The following SLC5A1 variants were observed in gnomAD, a reference collection of about 807,000 sequenced individuals.
SLC5A1 encodes sodium/glucose cotransporter 1.
SLC5A1 carries 42 observed loss-of-function variants against 73.5 expected under a neutral mutation model. That is an observed-to-expected ratio of 0.57 (90% confidence interval 0.45 to 0.74). The LOEUF is 0.74. SLC5A1 is among the 30% of genes least tolerant of loss of function. SLC5A1 has a pLI of 0.00. For synonymous variants in SLC5A1, 300 were observed against 317.4 expected (o/e 0.95, Z 0.58); for missense variants, 634 against 855.4 (o/e 0.74, Z 3.23).
Position 32,043,405 on chromosome 22 carries a change from G to T in SLC5A1, c.124G>T (p.Val42Phe). 1 of 1,613,860 alleles carries T rather than the reference G, an allele frequency of 6.2e-7. No homozygotes were observed. Among genetic ancestry groups the T allele is most frequent in the Non-Finnish European group, 8.5e-7 (1 of 1,179,930 alleles). The change falls in exon 1 of 15, where the codon GTC (valine) becomes TTC (phenylalanine). Residue 42 changes from valine to phenylalanine, a missense_variant. Coordinates refer to ENST00000266088, the MANE Select transcript of SLC5A1 (RefSeq NM_000343.4). The surrounding 1 kb of genome is among the most constrained non-coding windows in gnomAD (Gnocchi z 6.5). Reference protein sequence around the residue: ...IVIYFVVVMAVGLWAMFSTNR... With the variant: ...IVIYFVVVMAFGLWAMFSTNR... ...TATCTACTTCGTGGTAGTGATGGCC[G>T]TCGGACTGTGGGTATGCAGCGGGTT... is the stretch of plus-strand genomic sequence containing the variant.
intron 14 of SLC5A1, among the ~76,000 whole-genome samples, chr22:32,107,343 T>C (rs1049541593): frequency 3.3e-5 from 5 of 152,324 alleles, no homozygotes; most frequent in Admixed American, 2.6e-4. Context: ...GACTTAACAC[T>C]GGTGGGTGAA....
At chr22:32,062,454 TG>T (rs2093964784) in intron 2 of SLC5A1, among the ~76,000 whole-genome samples, 1 of 152,208 alleles carries the variant, frequency 6.6e-6, no homozygotes, top group Non-Finnish European at 1.5e-5. Context: ...TCAGACCTGT[TG>T]GGTTTGGTCA....
In SLC5A1 at chr22:32,084,678, C is replaced by A. The variant is rs200815762; in HGVS notation, c.885+19C>A. 4 of 1,601,098 alleles carry A rather than the reference C, an allele frequency of 2.5e-6. No individual in the cohort carries two copies. The highest frequency in any genetic ancestry group is 3.4e-6 in the Non-Finnish European group (4 of 1,168,742). On this transcript the variant is annotated intron_variant, in intron 8 of 14. Coordinates refer to ENST00000266088, the MANE Select transcript of SLC5A1 (RefSeq NM_000343.4). ...AGATCAGGTACCCAAGCTGGATGTG[C>A]GGGATGGACAGAGTCTTCTCCAGGG...
chr22:32,049,442 G>A (rs2093942353), intron 1 of SLC5A1, among the ~76,000 whole-genome samples: 2 of 133,288 alleles, frequency 1.5e-5, no homozygotes, highest in African/African-American at 5.4e-5. Context: ...GATGGGTGTT[G>A]CTATGTTGCC....
intron 11 of SLC5A1, among the ~76,000 whole-genome samples, chr22:32,093,831 A>G (rs112435997): frequency 6.6e-6 from 1 of 152,022 alleles, no homozygotes; most frequent in Non-Finnish European, 1.5e-5. Context: ...GATGCCATTC[A>G]TTTCTTTCTT....
chr22:32,063,254 C>T (rs1399770935), intron 2 of SLC5A1, among the ~76,000 whole-genome samples: 2 of 152,128 alleles, frequency 1.3e-5, no homozygotes, highest in Non-Finnish European at 2.9e-5. Context: ...TAACAGTATC[C>T]ATTGTAGCTT....
chr22:32,107,040 A>C (rs187609350), intron 14 of SLC5A1, among the ~76,000 whole-genome samples: 1 of 152,326 alleles, frequency 6.6e-6, no homozygotes, highest in Non-Finnish European at 1.5e-5. Flanking sequence ...CTAAGGTCTC[A>C]GCTTTGTTAC....
chr22:32,051,940 CACAG>C (rs1351959158), intron 2 of SLC5A1, among the ~76,000 whole-genome samples: 1 of 152,234 alleles, frequency 6.6e-6, no homozygotes, highest in Non-Finnish European at 1.5e-5. Context: ...TGAGGACACA[CACAG>C]ACAGTCTCAG....
chr22:32,064,715 A>G (rs1362342963), intron 2 of SLC5A1, among the ~76,000 whole-genome samples: 6 of 152,122 alleles, frequency 3.9e-5, no homozygotes, highest in Non-Finnish European at 7.4e-5. Flanking sequence ...TTTCTAAAAC[A>G]TACTCCCTAA....
chr22:32,106,335 T>G (rs944912639), intron 14 of SLC5A1, among the ~76,000 whole-genome samples: 1 of 152,262 alleles, frequency 6.6e-6, no homozygotes, highest in African/African-American at 2.4e-5. Flanking sequence ...CACATTTTTA[T>G]GTGCCTATTA....
rs1352059699 is a variant in SLC5A1, at chr22:32,111,386, C to G, written c.*1173C>G. 1.3e-5 allele frequency: 2 copies of G among 152,066 alleles called. No homozygotes were observed. Among genetic ancestry groups the G allele is most frequent in the African/African-American group, 4.8e-5 (2 of 41,394 alleles). The allele number at this position is 152,066 out of a possible 1,614,324, so 9.4% of individuals were successfully genotyped here. A position where few individuals can be genotyped will look rare whatever the true frequency, so the allele number is the denominator to read the frequency against. On this transcript the variant is annotated 3_prime_UTR_variant, in exon 15 of 15. Transcript: ENST00000266088. ...TCAGTCATATTGGAATAGGACCCAC[C>G]CTAATGTCTTCATTTTAATCACCTC...
intron 10 of SLC5A1, among the ~76,000 whole-genome samples, chr22:32,087,687 C>G (rs951032803): frequency 7.2e-5 from 11 of 152,114 alleles, no homozygotes; most frequent in Non-Finnish European, 1.6e-4. Flanking sequence ...TCTCCTAATT[C>G]TGGCTCAAGG....
At chr22:32,049,882 T>C (rs2093942996) in intron 1 of SLC5A1, 61 bp from the exon 2 acceptor site, 1 of 1,396,392 alleles carries the variant, frequency 7.2e-7, no homozygotes, top group Admixed American at 1.7e-5. Context: ...AGGTATGTCC[T>C]TTTGGCTGGC....
chr22:32,082,765 C>T (rs527491048), intron 6 of SLC5A1, among the ~76,000 whole-genome samples: 4 of 152,340 alleles, frequency 2.6e-5, no homozygotes, highest in East Asian at 3.9e-4. Flanking sequence ...GTGTGGAAGA[C>T]GCTTCTTCTT....
In SLC5A1 at chr22:32,060,164, C is replaced by T. The variant is rs767728298; in HGVS notation, c.208-6771C>T. On this transcript the variant is annotated intron_variant, in intron 2 of 14. Coordinates refer to ENST00000266088, the MANE Select transcript of SLC5A1 (RefSeq NM_000343.4). Reference sequence around the variant, plus strand: ...ACACATACACACACACACACACACACACACACACACACACACACACACATA... The same window carrying T: ...ACACATACACACACACACACACACATACACACACACACACACACACACATA... Among the ~76,000 whole-genome samples the T allele has an allele frequency of 3.2e-3, 437 of 136,320 alleles. 2 individuals carry two copies. The highest frequency in any genetic ancestry group is 3.8e-3 in the Non-Finnish European group (238 of 62,394). 89.4% of individuals were successfully genotyped at this position (136,320 alleles called of 152,430 possible). A position where few individuals can be genotyped will look rare whatever the true frequency, so the allele number is the denominator to read the frequency against.
intron 5 of SLC5A1, among the ~76,000 whole-genome samples, chr22:32,080,318 G>T (rs1438251853): frequency 6.6e-6 from 1 of 152,144 alleles, no homozygotes; most frequent in Middle Eastern, 3.2e-3. Flanking sequence ...GCCCACCTTC[G>T]GGAAGGAGGT....
intron 10 of SLC5A1, among the ~76,000 whole-genome samples, chr22:32,089,718 G>A (rs1324608530): frequency 4.6e-5 from 7 of 152,170 alleles, no homozygotes; most frequent in Admixed American, 4.6e-4. Flanking sequence ...ATTTCCTGTT[G>A]CTATAGAGAT....
At chr22:32,057,501 A>G (rs1365283017) in intron 2 of SLC5A1, among the ~76,000 whole-genome samples, 1 of 152,102 alleles carries the variant, frequency 6.6e-6, no homozygotes, top group Non-Finnish European at 1.5e-5. Context: ...CCTGGATTCA[A>G]GTGATCCTCC....
intron 2 of SLC5A1, among the ~76,000 whole-genome samples, chr22:32,064,507 A>G (rs2093969169): frequency 1.3e-5 from 2 of 151,926 alleles, no homozygotes; most frequent in East Asian, 3.9e-4. Context: ...GGAAAAAAAA[A>G]AAAAAGTGGA....
Sources: allele counts gnomAD v4.1 joint callset (sites outside exome capture counted in the v4.1 genomes callset), GRCh38; gene constraint gnomAD v4.1.1; non-coding constraint Gnocchi (gnomAD v3.1); transcripts MANE v1.5; gene names NCBI Gene and HGNC (gene_info 2026-07-23, HGNC 2026-07-21).